Variants in DNAH10 observed in about 807,000 individuals in gnomAD.
DNAH10 encodes dynein axonemal heavy chain 10.
A neutral mutation model predicts 506.6 loss-of-function variants in DNAH10; 348 were observed. The observed-to-expected ratio is 0.69, with a 90% CI of 0.63 to 0.75. The LOEUF is 0.75. Ranked by LOEUF, DNAH10 falls within the 30% of genes least tolerant of loss-of-function variation. The pLI is 0.00. For missense variants in DNAH10, 5,179 were observed against 5,787.1 expected (o/e 0.89, Z 3.41); for synonymous variants, 2,059 against 2,198.6 (o/e 0.94, Z 1.78).
chr12:123,896,109 T>TCACACACA (rs1246819591), intron 54 of DNAH10, among the ~76,000 whole-genome samples: 3 of 39,448 alleles, frequency 7.6e-5, no homozygotes, highest in Non-Finnish European at 5.8e-5. Flanking sequence ...TGAGACTTTA[T>TCACACACA]CTCACACACA....
At position 123,919,790 on chromosome 12, in the gene DNAH10, G is replaced by A. The variant is rs1340382084; in HGVS notation, c.11506+841G>A. Among the ~76,000 whole-genome samples, 1 of 152,208 alleles carries A rather than the reference G, an allele frequency of 6.6e-6. No individual in the cohort carries two copies. The highest frequency in any genetic ancestry group is 1.5e-5 in the Non-Finnish European group (1 of 68,050). ...CATCCGTGTTGCTGCGTGTGTCAGC[G>A]CTTCATTCCTGCCTGTGGCTGAGTC... On this transcript the variant is annotated intron_variant, in intron 65 of 78. Coordinates refer to ENST00000673944, the MANE Select transcript of DNAH10 (RefSeq NM_001372106.1). The surrounding 1 kb of genome is among the most constrained non-coding windows in gnomAD (Gnocchi z 4.9).
intron 15 of DNAH10, among the ~76,000 whole-genome samples, chr12:123,800,862 C>T (rs776114031): frequency 5.9e-5 from 9 of 151,326 alleles, no homozygotes; most frequent in Admixed American, 1.3e-4. Flanking sequence ...ACTAAAACTA[C>T]AAAAATTAGC....
intron 50 of DNAH10, among the ~76,000 whole-genome samples, 179 bp downstream of exon 50, chr12:123,879,980 T>C (rs1952433415): frequency 6.6e-6 from 1 of 152,164 alleles, no homozygotes; most frequent in African/African-American, 2.4e-5. Flanking sequence ...GGAGTGACGT[T>C]AGGAAATTGT....
chr12:123,795,339 T>G (rs1958238688), intron 12 of DNAH10, among the ~76,000 whole-genome samples: 1 of 151,992 alleles, frequency 6.6e-6, no homozygotes, highest in Non-Finnish European at 1.5e-5. Context: ...CAACACAGAT[T>G]TATTCTCTTA....
rs138325649 is a variant in DNAH10, at chr12:123,858,337, C to T, written c.6631-813C>T. The stretch of plus-strand genomic sequence containing the variant: ...CCAGACCTGGGGGGTTGCCTCGGGT[C>T]GGGCAGCTTCAGGGTGTCAGGCTAC... On this transcript the variant is annotated intron_variant, in intron 37 of 78. Coordinates refer to ENST00000673944, the MANE Select transcript of DNAH10 (RefSeq NM_001372106.1). Among the ~76,000 whole-genome samples the T allele has an allele frequency of 2.3e-3, 344 of 152,236 alleles. 2 individuals carry two copies. The highest frequency in any genetic ancestry group is 7.5e-3 in the African/African-American group (310 of 41,540).
chr12:123,863,813 A>T (rs942332221), intron 39 of DNAH10, among the ~76,000 whole-genome samples: 1 of 152,230 alleles, frequency 6.6e-6, no homozygotes, highest in African/African-American at 2.4e-5. Context: ...GGTGGGTACC[A>T]TTCGACCCAC....
chr12:123,868,414 C>T (rs1246513024), intron 43 of DNAH10, among the ~76,000 whole-genome samples: 1 of 152,218 alleles, frequency 6.6e-6, no homozygotes, highest in Non-Finnish European at 1.5e-5. Context: ...TCACATTCTG[C>T]ATGACTTTGA....
In DNAH10 at chr12:123,837,699, C is replaced by G. The variant is rs577055427; in HGVS notation, c.4903-757C>G. Among the ~76,000 whole-genome samples, 388 of 150,748 alleles carry G rather than the reference C, an allele frequency of 2.6e-3. 2 individuals are homozygous for G. The highest frequency in any genetic ancestry group is 8.7e-3 in the African/African-American group (357 of 41,044). On this transcript the variant is annotated intron_variant, in intron 28 of 78. Transcript: ENST00000673944. ...TCATATGATCCTCGCCTTGGCCTCC[C>G]AGGTAGCTGGGACTGCAGGTATGCA... is the stretch of plus-strand genomic sequence containing the variant.
intron 33 of DNAH10, 146 bp from the exon 34 acceptor site, chr12:123,848,584 T>C: frequency 3.5e-6 from 4 of 1,147,588 alleles, no homozygotes; most frequent in Non-Finnish European, 4.8e-6. Context: ...GCCAGAAAAA[T>C]CCACTAGTCA....
At chr12:123,855,268 G>T (rs771746633) in intron 36 of DNAH10, among the ~76,000 whole-genome samples, 1 of 152,164 alleles carries the variant, frequency 6.6e-6, no homozygotes, top group Admixed American at 6.5e-5. Flanking sequence ...TGTCCTAGGA[G>T]ACAACATAGA....
chr12:123,813,932 C>T lies in DNAH10; in HGVS notation c.3780+20C>T. The T allele has an allele frequency of 1.3e-6, 2 of 1,560,980 alleles. No individual in the cohort carries two copies. Among genetic ancestry groups the T allele is most frequent in the South Asian group, 1.2e-5 (1 of 81,420 alleles). Reference sequence around the variant, plus strand: ...CTCTTTGTAAGTCAACTTGTATTTTCTTATTCATTTAACAATTGGATTGAC... The same window carrying T: ...CTCTTTGTAAGTCAACTTGTATTTTTTTATTCATTTAACAATTGGATTGAC... On this transcript the variant is annotated intron_variant, in intron 21 of 78. Coordinates refer to ENST00000673944, the MANE Select transcript of DNAH10 (RefSeq NM_001372106.1).
Position 123,914,904 on chromosome 12 carries a change from C to T in DNAH10, c.10627C>T (p.Leu3543Phe). The T allele has an allele frequency of 6.2e-7, 1 of 1,613,494 alleles. No individual in the cohort carries two copies. Among genetic ancestry groups the T allele is most frequent in the Non-Finnish European group, 8.5e-7 (1 of 1,179,794 alleles). Reference sequence around the variant, plus strand: ...TGAGCTCTCCGTTCAGAATGGCATCCTCACCACCCGGGCCAGCCGCTTCCC... The same window carrying T: ...TGAGCTCTCCGTTCAGAATGGCATCTTCACCACCCGGGCCAGCCGCTTCCC... ...PDELSVQNGILTTRASRFPLC... is the reference protein window; with the variant it reads ...PDELSVQNGIFTTRASRFPLC... Residue 3543 changes from leucine to phenylalanine, a missense_variant, in exon 62 of 79, where the codon CTC becomes TTC. Around this residue, in one of 3 missense-constraint regions of DNAH10, gnomAD observed 4,844 missense variants for 5,430.5 expected, o/e 0.89. Coordinates refer to ENST00000673944, the MANE Select transcript of DNAH10 (RefSeq NM_001372106.1).
At chr12:123,768,196 G>T (rs1228838727) in intron 2 of DNAH10, among the ~76,000 whole-genome samples, 1 of 151,638 alleles carries the variant, frequency 6.6e-6, no homozygotes, top group East Asian at 1.9e-4. Context: ...GTGTAATGGC[G>T]TGATCTCAGC....
In DNAH10 at chr12:123,918,816, G is replaced by C. The variant is rs1297949276; in HGVS notation, c.11373G>C (p.Gln3791His). 6.2e-7 allele frequency: 1 copy of C among 1,613,970 alleles called. No homozygotes were observed. The highest frequency in any genetic ancestry group is 2.2e-5 in the East Asian group (1 of 44,874). The change falls in exon 65 of 79, where the codon CAG becomes CAC. Residue 3791 changes from glutamine (Q) to histidine (H), a missense_variant. By Grantham distance (24) the Gln-to-His change is conservative (BLOSUM62 0). Coordinates refer to ENST00000673944, the MANE Select transcript of DNAH10 (RefSeq NM_001372106.1). ...SEMALVNSMY[Q>H]YSLIAFLEVF... ...TGGCCCTGGTGAACTCCATGTACCA[G>C]TACTCCCTGATTGCCTTCTTAGAGG...
chr12:123,891,499 C>T (rs565076715), intron 52 of DNAH10, among the ~76,000 whole-genome samples: 2 of 152,156 alleles, frequency 1.3e-5, no homozygotes, highest in South Asian at 2.1e-4. Flanking sequence ...TGGTGGGACC[C>T]GAGTGAACCA....
In DNAH10 at chr12:123,808,865, C is replaced by A; in HGVS notation, c.3056C>A (p.Thr1019Lys). Residue 1019 changes from threonine (T) to lysine (K), a missense_variant, in exon 19 of 79, where the codon ACG becomes AAG. By Grantham distance (78) the Thr-to-Lys change is moderately conservative. Transcript: ENST00000673944. ...VPLFHTETIL[T>K]APEIILHPNT... ...CTGTTCCACACTGAAACCATTCTGA[C>A]GGCACCTGAGATCATCCTTCATCCC... 6.2e-7 allele frequency: 1 copy of A among 1,614,164 alleles called. No homozygotes were observed. Among genetic ancestry groups the A allele is most frequent in the Non-Finnish European group, 8.5e-7 (1 of 1,180,026 alleles).
intron 43 of DNAH10, 132 bp downstream of exon 43, chr12:123,868,251 C>A: frequency 3.6e-6 from 3 of 831,410 alleles, no homozygotes; most frequent in Non-Finnish European, 5.5e-6. Context: ...GAGAAACATG[C>A]AATGGTCAGA....
chr12:123,838,852 G>A (rs1374647487), intron 29 of DNAH10, among the ~76,000 whole-genome samples, 163 bp downstream of exon 29: 1 of 152,170 alleles, frequency 6.6e-6, no homozygotes, highest in Non-Finnish European at 1.5e-5. Context: ...TGGCTCTGTT[G>A]CCCAGGCTGG....
chr12:123,913,188 A>G lies in DNAH10; in HGVS notation c.10225A>G (p.Thr3409Ala). The change falls in exon 60 of 79, where the codon ACA becomes GCA. Residue 3409 changes from threonine to alanine, a missense_variant. Coordinates refer to ENST00000673944, the MANE Select transcript of DNAH10 (RefSeq NM_001372106.1). The surrounding 1 kb of genome is among the most constrained non-coding windows in gnomAD (Gnocchi z 5.1). Reference sequence around the variant, plus strand: ...GGCAGCAATTCAGAAAGAGCTGGAAACATTGGGTGCCAAATATGAGGCCGC... The same window carrying G: ...GGCAGCAATTCAGAAAGAGCTGGAAGCATTGGGTGCCAAATATGAGGCCGC... Reference protein sequence around the residue: ...ELAAIQKELETLGAKYEAAIL... With the variant: ...ELAAIQKELEALGAKYEAAIL... The G allele has an allele frequency of 6.2e-7, 1 of 1,611,104 alleles. No homozygotes were observed. The highest frequency in any genetic ancestry group is 1.1e-5 in the South Asian group (1 of 90,482).
Sources: gnomAD v4.1 joint callset for allele counts (sites outside exome capture counted in the v4.1 genomes callset) on GRCh38, gnomAD v4.1.1 for gene constraint, gnomAD v4.1.1 regional missense constraint, Gnocchi (gnomAD v3.1) non-coding constraint, MANE v1.5 for transcripts, NCBI Gene and HGNC (gene_info 2026-07-23, HGNC 2026-07-21) for gene names.